Variants in NFAT5 observed in about 807,000 individuals in gnomAD.
NFAT5 encodes nuclear factor of activated T cells 5, also known as nuclear factor of activated T-cells 5.
NFAT5 carries 31 observed loss-of-function variants against 166.5 expected under a neutral mutation model. The ratio of observed to expected loss-of-function variants is 0.19; its 90% CI spans 0.14 to 0.25. The LOEUF is 0.25. Among genes scored for constraint, NFAT5 ranks in the 10% least tolerant of loss-of-function variants. The pLI is 1.00. For synonymous variants in NFAT5, 612 were observed against 639.7 expected (o/e 0.96, Z 0.65); for missense variants, 1,449 against 1,821.8 (o/e 0.80, Z 3.72).
intron 2 of NFAT5, among the ~76,000 whole-genome samples, chr16:69,573,998 A>C (rs562811445): frequency 6.6e-6 from 1 of 151,704 alleles, no homozygotes; most frequent in South Asian, 2.1e-4. Flanking sequence ...CAGCCTCCCA[A>C]GTAGCTGGGA....
At chr16:69,675,529 A>G (rs905809479) in intron 9 of NFAT5, among the ~76,000 whole-genome samples, 8 of 152,196 alleles carry the variant, frequency 5.3e-5, no homozygotes, top group Admixed American at 4.6e-4. Flanking sequence ...GGATGTATGC[A>G]TATTTGTACA....
At chr16:69,600,297 T>C (rs920385085) in intron 2 of NFAT5, among the ~76,000 whole-genome samples, 11 of 152,156 alleles carry the variant, frequency 7.2e-5, no homozygotes, top group Admixed American at 2.0e-4. Context: ...TAGGAGTTTA[T>C]TGATAACCAA....
At chr16:69,601,755 A>G (rs1342233780) in intron 2 of NFAT5, among the ~76,000 whole-genome samples, 1 of 152,198 alleles carries the variant, frequency 6.6e-6, no homozygotes, top group Admixed American at 6.5e-5. Flanking sequence ...TTTAACTGTT[A>G]TAAGTCATTG....
At chr16:69,656,474 CAG>C (rs2035883985) in intron 6 of NFAT5, among the ~76,000 whole-genome samples, 1 of 147,362 alleles carries the variant, frequency 6.8e-6, no homozygotes. Flanking sequence ...TTTTTTGAGA[CAG>C]AGTCTCCGTC....
At chr16:69,606,727 G>A (rs1440436864) in intron 2 of NFAT5, among the ~76,000 whole-genome samples, 3 of 152,116 alleles carry the variant, frequency 2.0e-5, no homozygotes, top group African/African-American at 4.8e-5. Flanking sequence ...GTGGTGGTAC[G>A]CCTGTAATTC....
intron 2 of NFAT5, among the ~76,000 whole-genome samples, chr16:69,586,956 G>T (rs1016664154): frequency 1.3e-5 from 2 of 152,152 alleles, no homozygotes; most frequent in Non-Finnish European, 2.9e-5. Context: ...TTAGACATTG[G>T]TAGGGGTTCA....
In NFAT5 at chr16:69,702,621, T is replaced by C. The variant is rs1037623039; in HGVS notation, c.*6270T>C. On this transcript the variant is annotated 3_prime_UTR_variant, in exon 15 of 15. Transcript: ENST00000349945. ...AAATTCTTTGGCCCCATCCCAGACA[T>C]ACTGAGTCAGAAACTCTGGAATAGG... The C allele has an allele frequency of 1.3e-5, 2 of 150,556 alleles. No individual in the cohort carries two copies. The highest frequency in any genetic ancestry group is 5.0e-5 in the African/African-American group (2 of 40,306). The allele number at this position is 150,556 out of a possible 1,614,324, so 9.3% of individuals were successfully genotyped here. A position where few individuals can be genotyped will look rare whatever the true frequency, so the allele number is the denominator to read the frequency against.
In NFAT5 at chr16:69,566,375, G is replaced by T; in HGVS notation, c.73+1G>T. ...TCGCCCAAGTCCCTCTACTCGCGAG[G>T]TGAGTCAGGCTGTGGGGGGTGGGGC... On this transcript the variant is annotated splice_donor_variant, in intron 1 of 14. Transcript: ENST00000349945. LOFTEE classifies it high-confidence loss of function. The surrounding 1 kb of genome is among the most constrained non-coding windows in gnomAD (Gnocchi z 5.7). 1.9e-6 allele frequency: 3 copies of T among 1,590,912 alleles called. No homozygotes were observed. The highest frequency in any genetic ancestry group is 2.6e-6 in the Non-Finnish European group (3 of 1,165,474).
chr16:69,638,398 C>T (rs905267118), intron 3 of NFAT5, among the ~76,000 whole-genome samples: 2 of 151,814 alleles, frequency 1.3e-5, no homozygotes, highest in African/African-American at 4.8e-5. Context: ...TTTAATGATG[C>T]TGTAAATGAT....
chr16:69,624,882 G>A (rs2034377905), intron 2 of NFAT5, among the ~76,000 whole-genome samples: 2 of 149,872 alleles, frequency 1.3e-5, no homozygotes, highest in African/African-American at 4.9e-5. Flanking sequence ...TACGCGATAT[G>A]CCTCTAATTG....
chr16:69,566,218 G>T lies in NFAT5; in HGVS notation c.-84G>T. ...CTCGCGTCGCCGCCCCCGGTTCGGT[G>T]CCCGCGGTCCCGGAGAGGAGGTGCC... On this transcript the variant is annotated 5_prime_UTR_variant, in exon 1 of 15. Coordinates refer to ENST00000349945, the MANE Select transcript of NFAT5 (RefSeq NM_138713.4). The surrounding 1 kb of genome is among the most constrained non-coding windows in gnomAD (Gnocchi z 5.7). The T allele has an allele frequency of 7.6e-7, 1 of 1,322,374 alleles. No individual in the cohort carries two copies. The highest frequency in any genetic ancestry group is 1.1e-6 in the Non-Finnish European group (1 of 950,248). 81.9% of individuals were successfully genotyped at this position (1,322,374 alleles called of 1,614,324 possible). A position where few individuals can be genotyped will look rare whatever the true frequency, so the allele number is the denominator to read the frequency against.
intron 11 of NFAT5, among the ~76,000 whole-genome samples, chr16:69,690,376 CT>C (rs1377132364): frequency 4.0e-5 from 6 of 151,476 alleles, no homozygotes; most frequent in African/African-American, 1.5e-4. Flanking sequence ...CATGTGTCAA[CT>C]TGTCATATTC....
intron 7 of NFAT5, among the ~76,000 whole-genome samples, chr16:69,669,175 G>A (rs1311305404): frequency 6.6e-6 from 1 of 152,162 alleles, no homozygotes; most frequent in Admixed American, 6.5e-5. Context: ...GATTACAGGT[G>A]TGAACCACTG....
At chr16:69,682,118 T>C (rs1191796779) in intron 10 of NFAT5, among the ~76,000 whole-genome samples, 2 of 151,988 alleles carry the variant, frequency 1.3e-5, no homozygotes, top group South Asian at 4.2e-4. Context: ...TTAGATACTT[T>C]TCAGAGTCAT....
intron 7 of NFAT5, among the ~76,000 whole-genome samples, chr16:69,666,266 A>C (rs1262057233): frequency 3.3e-5 from 5 of 151,178 alleles, no homozygotes; most frequent in Non-Finnish European, 5.9e-5. Flanking sequence ...ATGGGCAAGG[A>C]CTTCATGTCT....
chr16:69,688,874 T>A (rs1028823781), intron 11 of NFAT5, among the ~76,000 whole-genome samples: 6 of 152,210 alleles, frequency 3.9e-5, no homozygotes, highest in Non-Finnish European at 8.8e-5. Flanking sequence ...TATTACAGGA[T>A]CAACTTAAGA....
intron 2 of NFAT5, among the ~76,000 whole-genome samples, chr16:69,598,056 A>T (rs2032906689): frequency 6.6e-6 from 1 of 152,094 alleles, no homozygotes; most frequent in East Asian, 1.9e-4. Context: ...TTATTGGTTT[A>T]ATTTTTACAT....
At chr16:69,630,360 G>A (rs2034659647) in intron 3 of NFAT5, among the ~76,000 whole-genome samples, 1 of 151,798 alleles carries the variant, frequency 6.6e-6, no homozygotes, top group African/African-American at 2.4e-5. Flanking sequence ...TTTTTGTAGA[G>A]TTGTCTTGCT....
chr16:69,673,680 G>A (rs1037601163), intron 9 of NFAT5, among the ~76,000 whole-genome samples: 4 of 151,808 alleles, frequency 2.6e-5, no homozygotes, highest in Non-Finnish European at 2.9e-5. Context: ...CCCTGATTCC[G>A]CCACTGCACT....
Sources: gnomAD v4.1 joint callset for allele counts (sites outside exome capture counted in the v4.1 genomes callset) on GRCh38, gnomAD v4.1.1 for gene constraint, Gnocchi (gnomAD v3.1) non-coding constraint, MANE v1.5 for transcripts, NCBI Gene and HGNC (gene_info 2026-07-23, HGNC 2026-07-21) for gene names.